Variants in GPM6B observed in about 807,000 individuals in gnomAD.
GPM6B encodes glycoprotein M6B.
GPM6B carries 4 observed loss-of-function variants against 27.2 expected under a neutral mutation model. The observed-to-expected ratio is 0.15, with a 90% CI of 0.07 to 0.34. The LOEUF (loss-of-function observed/expected upper bound fraction) is 0.34. Ranked by LOEUF, GPM6B falls within the 10% of genes least tolerant of loss-of-function variation. The pLI is 1.00. For missense variants in GPM6B, 183 were observed against 261.9 expected (o/e 0.70, Z 2.08); for synonymous variants, 124 against 103.1 (o/e 1.20, Z -1.23).
At chrX:13,869,528 G>C in intron 1 of GPM6B, among the ~76,000 whole-genome samples, 1 of 110,568 alleles carries the variant, frequency 9.0e-6, no homozygotes, top group African/African-American at 3.3e-5. Flanking sequence ...AGGGAGTTTT[G>C]ACAAAACCAT....
chrX:13,919,990 G>A lies in GPM6B; in HGVS notation c.-198+18337C>T, dbSNP rs758442735. 4.5e-5 allele frequency among the ~76,000 whole-genome samples: 5 copies of A among 110,911 alleles called. No individual in the cohort carries two copies. In the South Asian group the frequency reaches 1.1e-3, roughly 25 times the overall value. Reference sequence around the variant, plus strand: ...GTTTCAGAAGAAAAAGAGGCCAGGCGCAGGTGCTCAAGCCTGTAATCCCAG... The same window carrying A: ...GTTTCAGAAGAAAAAGAGGCCAGGCACAGGTGCTCAAGCCTGTAATCCCAG... On this transcript the variant is annotated intron_variant, in intron 1 of 6. Transcript: ENST00000398361.
chrX:13,873,236 G>C (rs1163841885), intron 1 of GPM6B, among the ~76,000 whole-genome samples: 1 of 110,539 alleles, frequency 9.0e-6, no homozygotes, highest in Non-Finnish European at 1.9e-5. Flanking sequence ...GAGGTTAGAA[G>C]TGAAGTGCTT....
chrX:13,897,446 T>C lies in GPM6B; in HGVS notation c.-198+40881A>G, dbSNP rs192873444. ...AACCCTTCTTCAGATGAGCTACTTT[T>C]ATCTCTTGCTACTGTTTTAAATTAT... On this transcript the variant is annotated intron_variant, in intron 1 of 6. Transcript: ENST00000398361. Among the ~76,000 whole-genome samples the C allele has an allele frequency of 5.4e-5, 6 of 112,065 alleles. No individual in the cohort carries two copies. The East Asian group carries it at 1.7e-3, about 31-fold the overall frequency.
intron 1 of GPM6B, among the ~76,000 whole-genome samples, chrX:13,842,333 G>A (rs1243287495): frequency 1.8e-5 from 2 of 112,141 alleles, no homozygotes; most frequent in African/African-American, 6.5e-5. Flanking sequence ...TTAAGAAACT[G>A]TTAAGTAAAC....
At chrX:13,807,586 T>G (rs2049046393) in intron 2 of GPM6B, 64 bp downstream of exon 2, 1 of 914,497 alleles carries the variant, frequency 1.1e-6, no homozygotes, top group African/African-American at 2.0e-5. Flanking sequence ...GCAAGAGCCA[T>G]TACAAATAAT....
chrX:13,860,921 T>C (rs1352775638), intron 1 of GPM6B, among the ~76,000 whole-genome samples: 2 of 109,241 alleles, frequency 1.8e-5, no homozygotes, highest in Non-Finnish European at 3.8e-5. Context: ...TTTAGAATAA[T>C]TGCCTCCAAT....
At chrX:13,916,478 C>G (rs1225790662) in intron 1 of GPM6B, among the ~76,000 whole-genome samples, 3 of 110,877 alleles carry the variant, frequency 2.7e-5, no homozygotes, top group Non-Finnish European at 5.7e-5. Context: ...CGTTGGAAAC[C>G]CCAGTCATCT....
At position 13,817,041 on chromosome X, in the gene GPM6B, A is replaced by G; in HGVS notation, c.-137T>C. On this transcript the variant is annotated 5_prime_UTR_variant, in exon 1 of 8. Transcript: ENST00000316715. ...GAGAGGCTCTGTTCTTCACTACAGT[A>G]GATTACAGTCCCTTCCAAGATGCAA... 1 of 1,083,450 alleles carries G rather than the reference A, an allele frequency of 9.2e-7. No individual in the cohort carries two copies. The highest frequency in any genetic ancestry group is 1.9e-5 in the African/African-American group (1 of 52,668). The allele number at this position is 1,083,450 out of a possible 1,213,427, so 89.3% of individuals were successfully genotyped here.
chrX:13,935,070 T>C (rs1347022703), intron 1 of GPM6B, among the ~76,000 whole-genome samples: 1 of 112,224 alleles, frequency 8.9e-6, no homozygotes, highest in Admixed American at 9.4e-5. Context: ...AAATTTTTTA[T>C]AATGCTATTT....
chrX:13,849,909 A>C (rs2049694863), intron 1 of GPM6B, among the ~76,000 whole-genome samples: 1 of 110,405 alleles, frequency 9.1e-6, no homozygotes, highest in East Asian at 2.9e-4. Flanking sequence ...AAATACAAAA[A>C]TTAGCCAGGC....
chrX:13,862,380 C>G (rs187546223), intron 1 of GPM6B, among the ~76,000 whole-genome samples: 34 of 111,672 alleles, frequency 3.0e-4, no homozygotes, highest in African/African-American at 1.1e-3. Context: ...GAGTTAACTA[C>G]ACACGTCAGG....
upstream of GPM6B, among the ~76,000 whole-genome samples, chrX:13,820,044 G>T (rs967368684): frequency 1.8e-5 from 2 of 112,032 alleles, no homozygotes; most frequent in Non-Finnish European, 3.8e-5. Context: ...GAGCCAGTAG[G>T]TTGGGAACCA....
At chrX:13,824,762 G>A (rs2049352056) in intron 1 of GPM6B, among the ~76,000 whole-genome samples, 1 of 112,038 alleles carries the variant, frequency 8.9e-6, no homozygotes, top group Non-Finnish European at 1.9e-5. Flanking sequence ...GAGTCCCATA[G>A]GGAACTGGAG....
At chrX:13,818,219 TAG>T (rs777067754), upstream of GPM6B, among the ~76,000 whole-genome samples, 24 of 112,573 alleles carry the variant, frequency 2.1e-4, no homozygotes, top group African/African-American at 4.5e-4. Context: ...TATAAAAAAT[TAG>T]AGAGACTCAA....
intron 1 of GPM6B, among the ~76,000 whole-genome samples, chrX:13,904,514 C>T (rs1416630296): frequency 8.9e-6 from 1 of 111,897 alleles, no homozygotes; most frequent in Non-Finnish European, 1.9e-5. Flanking sequence ...AGCCCTCTCT[C>T]CAGATCAGGG....
rs1285384319 is a variant in GPM6B, at chrX:13,895,473, G to A, written c.-198+42854C>T. Among the ~76,000 whole-genome samples the A allele has an allele frequency of 3.6e-5, 4 of 110,930 alleles. No homozygotes were observed. The East Asian group carries it at 1.1e-3, about 31-fold the overall frequency. The stretch of plus-strand genomic sequence containing the variant: ...AAATCCACAAAGAACAACATATTCT[G>A]GGGAAAGAATTATATAGCCAGTTAT... On this transcript the variant is annotated intron_variant, in intron 1 of 6. Coordinates refer to the GPM6B transcript ENST00000398361.
At chrX:13,779,765 T>G in intron 5 of GPM6B, 53 bp downstream of exon 5, 2 of 1,002,359 alleles carry the variant, frequency 2.0e-6, no homozygotes, top group Non-Finnish European at 2.7e-6. Context: ...TCCAGACATA[T>G]GCACGAGAGG....
chrX:13,779,794 G>A (rs755528245), intron 5 of GPM6B, 24 bp downstream of exon 5: 3 of 1,129,446 alleles, frequency 2.7e-6, no homozygotes, highest in East Asian at 3.0e-5. Flanking sequence ...ATAACTGGGG[G>A]AGGGGTGAAT....
chrX:13,813,032 C>T (rs945992820), intron 1 of GPM6B: 55 of 111,490 alleles, frequency 4.9e-4, no homozygotes, highest in African/African-American at 1.7e-3. Context: ...AGATGTCCAC[C>T]TTGGCAAATT....
Sources: allele counts gnomAD v4.1 joint callset (sites outside exome capture counted in the v4.1 genomes callset), GRCh38; gene constraint gnomAD v4.1.1; transcripts MANE v1.5; gene names NCBI Gene and HGNC (gene_info 2026-07-23, HGNC 2026-07-21).